The following STK32B variants were observed in gnomAD, a reference collection of about 807,000 sequenced individuals.
STK32B encodes serine/threonine kinase 32B, also known as serine/threonine-protein kinase 32B.
STK32B carries 43 observed loss-of-function variants against 52.6 expected under a neutral mutation model. The ratio of observed to expected loss-of-function variants is 0.82; its 90% CI spans 0.64 to 1.05. The LOEUF (loss-of-function observed/expected upper bound fraction) is 1.05, where lower values mean the gene tolerates loss of function less well. Among genes scored for constraint, STK32B ranks in the 50% least tolerant of loss-of-function variants. The probability of loss-of-function intolerance (pLI) is 0.00; values close to 1 mark genes in which losing one functional copy is unlikely to be tolerated. For synonymous variants in STK32B, 238 were observed against 204.3 expected (o/e 1.17, Z -1.41); for missense variants, 621 against 534.6 (o/e 1.16, Z -1.59).
chr4:5,228,082 A>G (rs551811241), intron 3 of STK32B, among the ~76,000 whole-genome samples: 2 of 152,314 alleles, frequency 1.3e-5, no homozygotes, highest in East Asian at 1.9e-4. Context: ...TATTCCAAGA[A>G]TAAATGATAA....
In STK32B at chr4:5,388,325, C is replaced by T. The variant is rs551871535; in HGVS notation, c.435-9882C>T. 5.3e-5 allele frequency among the ~76,000 whole-genome samples: 8 copies of T among 152,298 alleles called. No homozygotes were observed. In the South Asian group the frequency reaches 6.2e-4, roughly 12 times the overall value. On this transcript the variant is annotated intron_variant, in intron 4 of 11. Transcript: ENST00000282908. Reference sequence around the variant, plus strand: ...GGGATGGGTGCAGGGGATGGGAGAACTAATCATCACTTATTGGGCAACTTC... The same window carrying T: ...GGGATGGGTGCAGGGGATGGGAGAATTAATCATCACTTATTGGGCAACTTC...
At chr4:5,455,303 C>T (rs1049731965) in intron 7 of STK32B, among the ~76,000 whole-genome samples, 7 of 152,326 alleles carry the variant, frequency 4.6e-5, no homozygotes, top group Non-Finnish European at 7.3e-5. Flanking sequence ...CCTTAAGTGC[C>T]GCAGTGTTAC....
At chr4:5,102,681 A>G (rs1192965257) in intron 1 of STK32B, among the ~76,000 whole-genome samples, 1 of 149,288 alleles carries the variant, frequency 6.7e-6, no homozygotes, top group Non-Finnish European at 1.5e-5. Flanking sequence ...ATAGGCACAC[A>G]CCACCATACC....
intron 3 of STK32B, among the ~76,000 whole-genome samples, chr4:5,248,882 A>C (rs547245656): frequency 2.6e-4 from 39 of 150,840 alleles, no homozygotes; most frequent in African/African-American, 9.6e-4. Flanking sequence ...CAATGAGAAC[A>C]CTTGGACGCA....
At chr4:5,305,049 T>G (rs7682283) in intron 3 of STK32B, among the ~76,000 whole-genome samples, 12,630 of 146,768 alleles carry the variant, frequency 0.086, 837 homozygotes, top group African/African-American at 0.2. Flanking sequence ...CACTTGATCA[T>G]GGTGGATTAT....
chr4:5,254,473 T>C (rs1726161570), intron 3 of STK32B, among the ~76,000 whole-genome samples: 1 of 152,210 alleles, frequency 6.6e-6, no homozygotes, highest in African/African-American at 2.4e-5. Flanking sequence ...CTTACATACA[T>C]ACATTGTTGA....
intron 4 of STK32B, among the ~76,000 whole-genome samples, chr4:5,367,431 AC>A (rs1734947654): frequency 6.6e-6 from 1 of 151,990 alleles, no homozygotes. Flanking sequence ...TGTAGCCAAC[AC>A]TCTTTCGAGA....
chr4:5,385,092 A>T (rs1736159348), intron 4 of STK32B, among the ~76,000 whole-genome samples: 1 of 152,062 alleles, frequency 6.6e-6, no homozygotes, highest in South Asian at 2.1e-4. Context: ...GAGACGGGTG[A>T]CGTGATGGCC....
intron 4 of STK32B, among the ~76,000 whole-genome samples, chr4:5,377,124 A>G (rs1351633647): frequency 1.3e-5 from 2 of 152,118 alleles, no homozygotes; most frequent in African/African-American, 4.8e-5. Context: ...TGGCCAAAGG[A>G]GTCTTGATTC....
the STK32B span, chr4:5,019,392 G>T: frequency 5.0e-5 from 75 of 1,493,834 alleles, no homozygotes; most frequent in Non-Finnish European, 5.8e-5. Flanking sequence ...GCCGCGCGGC[G>T]GGGGCTCCCG....
At position 5,366,869 on chromosome 4, in the gene STK32B, T is replaced by C. The variant is rs181992314; in HGVS notation, c.435-31338T>C. Among the ~76,000 whole-genome samples, 239 of 152,264 alleles carry C rather than the reference T, an allele frequency of 1.6e-3. 3 individuals are homozygous for C. The highest frequency in any genetic ancestry group is 5.6e-4 in the Non-Finnish European group (38 of 68,020). On this transcript the variant is annotated intron_variant, in intron 4 of 11. Transcript: ENST00000282908. ...GTGTTACAGGGTTCTACTGGGTGCA[T>C]CCTGTGTACCTTCTCATATAGTCCC...
intron 2 of STK32B, among the ~76,000 whole-genome samples, chr4:5,144,275 T>C (rs1716734234): frequency 6.6e-6 from 1 of 152,152 alleles, no homozygotes; most frequent in Non-Finnish European, 1.5e-5. Context: ...AATAGGCATA[T>C]TGGTGTCTTC....
chr4:5,488,324 T>C (rs1011752773), intron 11 of STK32B, among the ~76,000 whole-genome samples: 3 of 152,084 alleles, frequency 2.0e-5, no homozygotes, highest in East Asian at 1.9e-4. Context: ...CAATGTAAGA[T>C]TTTATGGTGT....
intron 3 of STK32B, among the ~76,000 whole-genome samples, chr4:5,211,825 C>T (rs556722120): frequency 2.0e-5 from 3 of 152,326 alleles, no homozygotes; most frequent in Non-Finnish European, 4.4e-5. Flanking sequence ...CTGTGAATCA[C>T]GCAAGCTCTA....
At position 5,099,457 on chromosome 4, in the gene STK32B, C is replaced by CGCGCACGT. The variant is rs5855838; in HGVS notation, c.53-40445_53-40444insCACGTGCG. 1.4e-3 allele frequency among the ~76,000 whole-genome samples: 198 copies of CGCGCACGT among 146,246 alleles called. 1 individual carries two copies. The highest frequency in any genetic ancestry group is 4.6e-3 in the South Asian group (22 of 4,764). On this transcript the variant is annotated intron_variant, in intron 1 of 11. Coordinates refer to ENST00000282908, the MANE Select transcript of STK32B (RefSeq NM_018401.3). ...CTGTGTGTGTGTGTGTGTGCGCGCGCGCGTATGTGATGTGTTCACAACTAA... is the reference window on the plus strand; with the variant it reads ...CTGTGTGTGTGTGTGTGTGCGCGCGCGCGCACGTGCGTATGTGATGTGTTCACAACTAA...
chr4:5,121,057 T>G (rs1714998053), intron 1 of STK32B, among the ~76,000 whole-genome samples: 2 of 152,118 alleles, frequency 1.3e-5, no homozygotes, highest in Admixed American at 1.3e-4. Context: ...ATCTAGTCAT[T>G]TACCCAATAT....
At chr4:5,450,917 G>A (rs1244288997) in intron 7 of STK32B, among the ~76,000 whole-genome samples, 1 of 152,102 alleles carries the variant, frequency 6.6e-6, no homozygotes, top group Non-Finnish European at 1.5e-5. Flanking sequence ...CTGACCATTA[G>A]CAAGTAAGGC....
chr4:5,437,248 G>A (rs140678795), intron 6 of STK32B, among the ~76,000 whole-genome samples: 12 of 152,332 alleles, frequency 7.9e-5, no homozygotes, highest in Non-Finnish European at 1.3e-4. Flanking sequence ...AAATTACTAC[G>A]AACTGAGTGG....
chr4:5,276,011 G>C (rs941937642), intron 3 of STK32B, among the ~76,000 whole-genome samples: 2 of 152,122 alleles, frequency 1.3e-5, no homozygotes, highest in Non-Finnish European at 1.5e-5. Flanking sequence ...CATTTAGGCC[G>C]GGCATGGTGG....
Sources: allele counts gnomAD v4.1 joint callset (sites outside exome capture counted in the v4.1 genomes callset), GRCh38; gene constraint gnomAD v4.1.1; transcripts MANE v1.5; gene names NCBI Gene and HGNC (gene_info 2026-07-23, HGNC 2026-07-21).